The following SGCZ variants were observed in gnomAD, a reference collection of about 807,000 sequenced individuals.
SGCZ encodes the protein zeta-sarcoglycan.
SGCZ carries 40 observed loss-of-function variants against 41.3 expected under a neutral mutation model. That is an observed-to-expected ratio of 0.97 (90% confidence interval 0.75 to 1.26). The LOEUF (loss-of-function observed/expected upper bound fraction) is 1.26, where lower values mean the gene tolerates loss of function less well. SGCZ is among the 50% of genes most tolerant of loss of function. SGCZ has a pLI of 0.00. For synonymous variants in SGCZ, 206 were observed against 137.5 expected (o/e 1.50, Z -3.49); for missense variants, 552 against 369.8 (o/e 1.49, Z -4.04).
At position 14,130,683 on chromosome 8, in the gene SGCZ, C is replaced by G. The variant is rs543781906; in HGVS notation, c.548-22448G>C. ...AGCCACTAAATCATTTATTTTCTAA[C>G]GAAAAACAGCTTGAAAAATCAAGCT... On this transcript the variant is annotated intron_variant, in intron 5 of 7. Coordinates refer to ENST00000382080, the MANE Select transcript of SGCZ (RefSeq NM_139167.4). Among the ~76,000 whole-genome samples, 66 of 152,146 alleles carry G rather than the reference C, an allele frequency of 4.3e-4. 2 individuals are homozygous for G. The South Asian group carries it at 0.012, about 28-fold the overall frequency.
intron 2 of SGCZ, among the ~76,000 whole-genome samples, chr8:14,375,762 T>C (rs571539623): frequency 7.2e-5 from 11 of 152,152 alleles, no homozygotes; most frequent in African/African-American, 2.7e-4. Flanking sequence ...GTTTAGTACT[T>C]AAACAGAAAC....
chr8:14,483,823 A>T (rs1028261216), intron 2 of SGCZ, among the ~76,000 whole-genome samples: 10 of 152,130 alleles, frequency 6.6e-5, no homozygotes, highest in African/African-American at 2.4e-4. Flanking sequence ...AAGTTATTTT[A>T]TTTTCAGTTT....
At chr8:15,144,871 G>A (rs1032155336) in intron 1 of SGCZ, among the ~76,000 whole-genome samples, 9 of 152,122 alleles carry the variant, frequency 5.9e-5, no homozygotes, top group East Asian at 3.9e-4. Flanking sequence ...CCGGTGTACC[G>A]TACCACATAT....
At chr8:15,211,220 C>T (rs887044762) in intron 1 of SGCZ, among the ~76,000 whole-genome samples, 2 of 151,508 alleles carry the variant, frequency 1.3e-5, no homozygotes, top group Non-Finnish European at 2.9e-5. Flanking sequence ...ATAATACATA[C>T]TCACATACTT....
At chr8:14,250,373 T>C (rs1475995752) in intron 3 of SGCZ, among the ~76,000 whole-genome samples, 1 of 152,140 alleles carries the variant, frequency 6.6e-6, no homozygotes, top group African/African-American at 2.4e-5. Flanking sequence ...CTCACAAAAA[T>C]GTGTCGAAAT....
At chr8:14,479,997 G>A (rs1801490702) in intron 2 of SGCZ, among the ~76,000 whole-genome samples, 1 of 152,160 alleles carries the variant, frequency 6.6e-6, no homozygotes, top group Non-Finnish European at 1.5e-5. Flanking sequence ...CACCCGCCTC[G>A]GCATCCCAAA....
intron 1 of SGCZ, among the ~76,000 whole-genome samples, chr8:14,642,903 C>T (rs75113740): frequency 0.19 from 29,025 of 151,246 alleles, 3,268 homozygotes; most frequent in East Asian, 0.59. Flanking sequence ...TTAGTACAGA[C>T]GGAAATGTAA....
At chr8:14,685,466 A>T (rs1353257746) in intron 1 of SGCZ, among the ~76,000 whole-genome samples, 1 of 152,114 alleles carries the variant, frequency 6.6e-6, no homozygotes, top group Admixed American at 6.6e-5. Flanking sequence ...TAGTTTATGA[A>T]ATTGGAGGAG....
chr8:15,028,627 T>C (rs575185576), intron 1 of SGCZ, among the ~76,000 whole-genome samples: 6 of 152,228 alleles, frequency 3.9e-5, no homozygotes, highest in Middle Eastern at 3.4e-3. Flanking sequence ...CCCTCAGTCA[T>C]ATTGATTCAA....
chr8:14,517,815 C>T (rs1441258231), intron 2 of SGCZ, among the ~76,000 whole-genome samples: 1 of 151,416 alleles, frequency 6.6e-6, no homozygotes, highest in East Asian at 1.9e-4. Context: ...GTCATGATTT[C>T]CATTTATATT....
intron 1 of SGCZ, among the ~76,000 whole-genome samples, chr8:14,702,894 TAGAC>T (rs147753218): frequency 0.056 from 8,094 of 145,718 alleles, 830 homozygotes; most frequent in African/African-American, 0.19. Context: ...AAAAGATAGA[TAGAC>T]AGGCAGACAG....
intron 1 of SGCZ, chr8:14,853,496 T>A (rs1471946963): frequency 3.8e-6 from 2 of 532,846 alleles, no homozygotes; most frequent in Non-Finnish European, 7.7e-6. Flanking sequence ...CACAATCACC[T>A]TCTGATCTGA....
intron 2 of SGCZ, among the ~76,000 whole-genome samples, chr8:14,382,650 T>G (rs1045079949): frequency 6.6e-6 from 1 of 152,188 alleles, no homozygotes; most frequent in Non-Finnish European, 1.5e-5. Context: ...GAACTTCAAA[T>G]TTTTGCTAGG....
intron 3 of SGCZ, among the ~76,000 whole-genome samples, chr8:14,278,564 T>C (rs909649072): frequency 7.9e-5 from 12 of 152,082 alleles, no homozygotes; most frequent in African/African-American, 2.7e-4. Flanking sequence ...CGTTGAAAAA[T>C]AGTATTAAAA....
At chr8:14,240,668 G>C (rs1264741270) in intron 3 of SGCZ, among the ~76,000 whole-genome samples, 1 of 152,132 alleles carries the variant, frequency 6.6e-6, no homozygotes, top group South Asian at 2.1e-4. Context: ...ATTATAATGT[G>C]ATCAAGTGAT....
chr8:14,977,777 T>G (rs1417418434), intron 1 of SGCZ, among the ~76,000 whole-genome samples: 1 of 152,162 alleles, frequency 6.6e-6, no homozygotes, highest in Non-Finnish European at 1.5e-5. Context: ...ACTTTCCATA[T>G]TTTTAAACCA....
intron 1 of SGCZ, among the ~76,000 whole-genome samples, chr8:14,983,456 T>C (rs1012113526): frequency 5.3e-5 from 8 of 152,118 alleles, no homozygotes; most frequent in Non-Finnish European, 8.8e-5. Flanking sequence ...CTTGGCTCAC[T>C]GCAAACTCTA....
At chr8:15,009,426 A>T (rs561164505) in intron 1 of SGCZ, among the ~76,000 whole-genome samples, 27 of 112,598 alleles carry the variant, frequency 2.4e-4, no homozygotes, top group East Asian at 9.2e-4. Flanking sequence ...TCTACATGAG[A>T]TTTGGGTGGG....
intron 4 of SGCZ, among the ~76,000 whole-genome samples, chr8:14,232,023 G>T (rs1279034985): frequency 6.6e-6 from 1 of 151,754 alleles, no homozygotes; most frequent in African/African-American, 2.4e-5. Context: ...TCACAACATG[G>T]ATGCTATTAT....
Sources: allele counts gnomAD v4.1 joint callset (sites outside exome capture counted in the v4.1 genomes callset), GRCh38; gene constraint gnomAD v4.1.1; transcripts MANE v1.5; gene names NCBI Gene and HGNC (gene_info 2026-07-23, HGNC 2026-07-21).